The following GALNT2 variants were observed in gnomAD, a reference collection of about 807,000 sequenced individuals.
The protein encoded by GALNT2 is UDP-GalNAc:polypeptide N-acetylgalactosaminyltransferase 2.
A neutral mutation model predicts 81.4 loss-of-function variants in GALNT2; 31 were observed. The observed-to-expected ratio is 0.38, with a 90% CI of 0.29 to 0.51. GALNT2 has a LOEUF of 0.51. Ranked by LOEUF, GALNT2 falls within the 20% of genes least tolerant of loss-of-function variation. The pLI is 0.87. For synonymous variants in GALNT2, 303 were observed against 287.4 expected (o/e 1.05, Z -0.55); for missense variants, 629 against 765.7 (o/e 0.82, Z 2.11).
intron 2 of GALNT2, among the ~76,000 whole-genome samples, chr1:230,178,865 A>T (rs1295311447): frequency 1.3e-5 from 2 of 152,284 alleles, no homozygotes; most frequent in African/African-American, 4.8e-5. Context: ...TTTAGCCGCC[A>T]TTGTAGTATC....
At chr1:230,278,084 T>C (rs1666344655) in intron 15 of GALNT2, among the ~76,000 whole-genome samples, 1 of 151,632 alleles carries the variant, frequency 6.6e-6, no homozygotes, top group African/African-American at 2.4e-5. Context: ...TTAGAGATTT[T>C]TAAAGGGGGA....
chr1:230,071,464 C>T (rs1411195475), intron 1 of GALNT2, among the ~76,000 whole-genome samples: 7 of 152,122 alleles, frequency 4.6e-5, no homozygotes, highest in Middle Eastern at 3.2e-3. Context: ...TGTCCCTGAA[C>T]GAGGGGTTCC....
chr1:230,098,483 G>A (rs912003645), intron 1 of GALNT2, among the ~76,000 whole-genome samples: 2 of 152,010 alleles, frequency 1.3e-5, no homozygotes, highest in African/African-American at 4.8e-5. Context: ...TGAAGGAAGA[G>A]CCTGACAAAT....
chr1:230,085,492 C>G (rs1659871940), intron 1 of GALNT2, among the ~76,000 whole-genome samples: 1 of 152,222 alleles, frequency 6.6e-6, no homozygotes, highest in Non-Finnish European at 1.5e-5. Flanking sequence ...CAGTCCACTG[C>G]CACTGGGCCA....
intron 1 of GALNT2, among the ~76,000 whole-genome samples, chr1:230,132,191 CA>C (rs1661390028): frequency 6.6e-6 from 1 of 152,166 alleles, no homozygotes; most frequent in Non-Finnish European, 1.5e-5. Flanking sequence ...TCTCAAGTAG[CA>C]GTAACAGTAG....
intron 14 of GALNT2, among the ~76,000 whole-genome samples, chr1:230,266,265 A>G (rs779019896): frequency 2.0e-4 from 30 of 152,352 alleles, no homozygotes; most frequent in Admixed American, 5.2e-4. Context: ...AAGGAGAGAC[A>G]AAATGAAGGC....
At chr1:230,135,860 ATT>A (rs57593014) in intron 1 of GALNT2, among the ~76,000 whole-genome samples, 218 of 140,350 alleles carry the variant, frequency 1.6e-3, no homozygotes, top group African/African-American at 5.5e-3. Context: ...TAACTTTTTC[ATT>A]TTTTTTTTTT....
intron 1 of GALNT2, among the ~76,000 whole-genome samples, chr1:230,061,865 C>A (rs1197840194): frequency 1.3e-5 from 2 of 152,170 alleles, no homozygotes; most frequent in East Asian, 3.8e-4. Context: ...AACCAGCAAA[C>A]CTTCTACACA....
In GALNT2 at chr1:230,113,937, G is replaced by A. The variant is rs78412866; in HGVS notation, c.126+46531G>A. On this transcript the variant is annotated intron_variant, in intron 1 of 15. Transcript: ENST00000366672. Reference sequence around the variant, plus strand: ...TTTTTTTTCAGAATAACGTCAGCATGTGCTGAGCATCTGACTCACGGGGTG... The same window carrying A: ...TTTTTTTTCAGAATAACGTCAGCATATGCTGAGCATCTGACTCACGGGGTG... 2.0e-3 allele frequency among the ~76,000 whole-genome samples: 305 copies of A among 152,072 alleles called. 1 individual carries two copies. In the Middle Eastern group the frequency reaches 0.024, roughly 12 times the overall value.
At position 230,193,886 on chromosome 1, in the gene GALNT2, G is replaced by A. The variant is rs1334632513; in HGVS notation, c.221-9251G>A. Reference sequence around the variant, plus strand: ...TGTCAGCCACAGAGCTGATGCTGGCGGGGCCCCGAGCAGCCTTCCCGGGGC... The same window carrying A: ...TGTCAGCCACAGAGCTGATGCTGGCAGGGCCCCGAGCAGCCTTCCCGGGGC... On this transcript the variant is annotated intron_variant, in intron 2 of 15. Coordinates refer to ENST00000366672, the MANE Select transcript of GALNT2 (RefSeq NM_004481.5). The surrounding 1 kb of genome is among the most constrained non-coding windows in gnomAD (Gnocchi z 4.3). Among the ~76,000 whole-genome samples, 2 of 152,232 alleles carry A rather than the reference G, an allele frequency of 1.3e-5. No homozygotes were observed. Among genetic ancestry groups the A allele is most frequent in the East Asian group, 1.9e-4 (1 of 5,166 alleles).
intron 1 of GALNT2, among the ~76,000 whole-genome samples, chr1:230,132,369 G>C (rs1661395990): frequency 6.6e-6 from 1 of 152,208 alleles, no homozygotes; most frequent in African/African-American, 2.4e-5. Flanking sequence ...TTTCTGTCCA[G>C]GGGCTTGGTG....
chr1:230,279,244 A>G lies in GALNT2; in HGVS notation c.1561-59A>G, dbSNP rs1666371093. ...GCCACAAGGTCCTGAATTCACACGAATCTGTTTGTACTCCTTTGCTTGTGC... is the reference window on the plus strand; with the variant it reads ...GCCACAAGGTCCTGAATTCACACGAGTCTGTTTGTACTCCTTTGCTTGTGC... On this transcript the variant is annotated intron_variant, in intron 15 of 15. Transcript: ENST00000366672. This position sits in a 1 kb window ranked among gnomAD's most constrained non-coding sequence, Gnocchi z 4.6. 6.5e-7 allele frequency: 1 copy of G among 1,543,478 alleles called. No homozygotes were observed. Among genetic ancestry groups the G allele is most frequent in the South Asian group, 1.2e-5 (1 of 82,834 alleles).
intron 2 of GALNT2, among the ~76,000 whole-genome samples, chr1:230,194,835 G>A (rs1166891030): frequency 6.6e-6 from 1 of 152,232 alleles, no homozygotes; most frequent in Non-Finnish European, 1.5e-5. Flanking sequence ...CACCATAGAG[G>A]GGAGCAGAGA....
chr1:230,093,368 T>A (rs1402184506), intron 1 of GALNT2, among the ~76,000 whole-genome samples: 3 of 150,928 alleles, frequency 2.0e-5, no homozygotes, highest in African/African-American at 7.4e-5. Context: ...TGGCCGTTTA[T>A]TTAAATCAAA....
chr1:230,218,473 C>T (rs114030799), intron 3 of GALNT2, among the ~76,000 whole-genome samples: 1,722 of 152,256 alleles, frequency 0.011, 19 homozygotes, highest in Middle Eastern at 0.02. Flanking sequence ...TATGGGCTGC[C>T]GTGTGAGGAC....
intron 1 of GALNT2, among the ~76,000 whole-genome samples, chr1:230,114,234 C>A (rs1356097545): frequency 6.6e-6 from 1 of 152,286 alleles, no homozygotes; most frequent in East Asian, 1.9e-4. Context: ...CCTGGTGTTT[C>A]CGCGCCTCAT....
intron 1 of GALNT2, among the ~76,000 whole-genome samples, chr1:230,112,875 A>G (rs1004646229): frequency 2.0e-5 from 3 of 152,150 alleles, no homozygotes; most frequent in Non-Finnish European, 2.9e-5. Context: ...CCAAGCAAGC[A>G]TCTTTTCCAG....
chr1:230,152,306 C>T (rs1662115951), intron 1 of GALNT2, among the ~76,000 whole-genome samples: 1 of 152,176 alleles, frequency 6.6e-6, no homozygotes, highest in Non-Finnish European at 1.5e-5. Context: ...GGGCTTGGAA[C>T]CATGGCCTGT....
chr1:230,091,229 C>G (rs1660066075), intron 1 of GALNT2, among the ~76,000 whole-genome samples: 1 of 140,748 alleles, frequency 7.1e-6, no homozygotes. Context: ...TCACCACATA[C>G]TAATTTTTTG....
Sources: allele counts gnomAD v4.1 joint callset (sites outside exome capture counted in the v4.1 genomes callset), GRCh38; gene constraint gnomAD v4.1.1; non-coding constraint Gnocchi (gnomAD v3.1); transcripts MANE v1.5; gene names NCBI Gene and HGNC (gene_info 2026-07-23, HGNC 2026-07-21).